ADGRL1: variants seen among roughly 807,000 people sequenced by gnomAD.
ADGRL1 encodes the protein CIRL-1.
A neutral mutation model predicts 148.9 loss-of-function variants in ADGRL1; 31 were observed. That is an observed-to-expected ratio of 0.21 (90% confidence interval 0.16 to 0.28). The LOEUF (loss-of-function observed/expected upper bound fraction) is 0.28, where lower values mean the gene tolerates loss of function less well. Among genes scored for constraint, ADGRL1 ranks in the 10% least tolerant of loss-of-function variants. ADGRL1 has a pLI of 1.00. For missense variants in ADGRL1, 1,521 were observed against 2,058.8 expected (o/e 0.74, Z 5.05); for synonymous variants, 937 against 900.3 (o/e 1.04, Z -0.73).
chr19:14,173,311 G>A (rs766420286), intron 3 of ADGRL1, among the ~76,000 whole-genome samples: 5 of 152,066 alleles, frequency 3.3e-5, no homozygotes, highest in African/African-American at 9.7e-5. Context: ...TGCCCAGGAC[G>A]GAGAGCAGCG....
intron 1 of ADGRL1, among the ~76,000 whole-genome samples, chr19:14,196,983 G>A (rs1433571398): frequency 6.6e-6 from 1 of 152,050 alleles, no homozygotes; most frequent in Non-Finnish European, 1.5e-5. Context: ...ACCTTTTAAA[G>A]GTCACCCTGG....
At chr19:14,189,772 G>T (rs771952272) in intron 1 of ADGRL1, among the ~76,000 whole-genome samples, 2 of 152,110 alleles carry the variant, frequency 1.3e-5, no homozygotes, top group Admixed American at 6.6e-5. Context: ...TCTATTTAAG[G>T]TTACATGATA....
chr19:14,151,017 G>A lies in ADGRL1; in HGVS notation c.4266C>T (p.Arg1422=), dbSNP rs1397242510. 1 of 1,564,180 alleles carries A rather than the reference G, an allele frequency of 6.4e-7. No individual in the cohort carries two copies. Among genetic ancestry groups the A allele is most frequent in the Non-Finnish European group, 8.7e-7 (1 of 1,155,338 alleles). ...GATTCCGGGCCACCAGGGCTGGCGG[G>A]CGCGAGGTGTAGTAGATTTCGGGGG... The part of the protein sequence containing the change: ...PGPPEIYYTS[R]PPALVARNPL... The change falls in exon 23 of 23, where the codon CGC becomes CGT. Residue 1422 remains arginine (R), a synonymous_variant. Coordinates refer to ENST00000361434, the MANE Select transcript of ADGRL1 (RefSeq NM_014921.5).
intron 1 of ADGRL1, among the ~76,000 whole-genome samples, chr19:14,188,138 G>A (rs914500332): frequency 2.1e-4 from 32 of 152,130 alleles, no homozygotes; most frequent in African/African-American, 4.8e-5. Context: ...GAAGCCACTC[G>A]ATGCCAAATT....
At chr19:14,193,757 G>A (rs1440020556) in intron 1 of ADGRL1, among the ~76,000 whole-genome samples, 18 of 152,344 alleles carry the variant, frequency 1.2e-4, no homozygotes, top group South Asian at 4.1e-4. Flanking sequence ...ACACAGACAT[G>A]CACAGAAGAC....
At position 14,148,690 on chromosome 19, in the gene ADGRL1, T is replaced by C. The variant is rs1967840322; in HGVS notation, c.*2183A>G. 1 of 152,796 alleles carries C rather than the reference T, an allele frequency of 6.5e-6. No individual in the cohort carries two copies. The highest frequency in any genetic ancestry group is 2.4e-5 in the African/African-American group (1 of 41,458). The allele number at this position is 152,796 out of a possible 1,614,324, so 9.5% of individuals were successfully genotyped here. A position where few individuals can be genotyped will look rare whatever the true frequency, so the allele number is the denominator to read the frequency against. On this transcript the variant is annotated 3_prime_UTR_variant, in exon 23 of 23. Transcript: ENST00000361434. Reference sequence around the variant, plus strand: ...CATCTAGACTTCACCCATGGTCTTCTGGTGTAATGGGTTAGGCCTTTCTAC... The same window carrying C: ...CATCTAGACTTCACCCATGGTCTTCCGGTGTAATGGGTTAGGCCTTTCTAC...
In ADGRL1 at chr19:14,155,209, G is replaced by A. The variant is rs1307539023; in HGVS notation, c.3294+150C>T. On this transcript the variant is annotated intron_variant, in intron 18 of 22. Transcript: ENST00000361434. The surrounding 1 kb of genome is among the most constrained non-coding windows in gnomAD (Gnocchi z 5.0). ...ACCCTGAGCTCGTGCTCCCCTCCCG[G>A]TGGACGCAGACCTGACCACAGAAGC... is the stretch of plus-strand genomic sequence containing the variant. The A allele has an allele frequency of 3.4e-6, 3 of 876,872 alleles. No homozygotes were observed. Among genetic ancestry groups the A allele is most frequent in the Non-Finnish European group, 1.7e-6 (1 of 574,404 alleles). 54.3% of individuals were successfully genotyped at this position (876,872 alleles called of 1,614,324 possible).
rs755196785 is a variant in ADGRL1 at position 14,152,539 on chromosome 19, G to A, written c.3498C>T (p.Asn1166=). 1.1e-5 allele frequency: 17 copies of A among 1,613,880 alleles called. No individual in the cohort carries two copies. The East Asian group carries it at 3.6e-4, about 34-fold the overall frequency. The change falls in exon 20 of 23, where the codon AAC becomes AAT. Residue 1166 remains asparagine (N), a synonymous_variant. Transcript: ENST00000361434. The surrounding 1 kb of genome is among the most constrained non-coding windows in gnomAD (Gnocchi z 6.1). Reference sequence around the variant, plus strand: ...CACCTCGGTTCAGGGTGGGGGTGCTGTTGATGTCACCCGCCATGAAGGAGG... The same window carrying A: ...CACCTCGGTTCAGGGTGGGGGTGCTATTGATGTCACCCGCCATGAAGGAGG... ...TESSFMAGDI[N]STPTLNRGTM...
Position 14,177,622 on chromosome 19 carries a change from G to A in ADGRL1, c.193C>T (p.Arg65Cys). The change falls in exon 3 of 23, where the codon CGC becomes TGC. Residue 65 changes from arginine (R) to cysteine (C), a missense_variant. Transcript: ENST00000361434. ...VIMVENANYG[R>C]TDDKICDADP... ...GCATCGCAAATCTTGTCGTCCGTGCGCCCGTAGTTGGCATTCTCCACCATG... is the reference window on the plus strand; with the variant it reads ...GCATCGCAAATCTTGTCGTCCGTGCACCCGTAGTTGGCATTCTCCACCATG... 2 of 1,614,200 alleles carry A rather than the reference G, an allele frequency of 1.2e-6. No homozygotes were observed. The highest frequency in any genetic ancestry group is 1.7e-6 in the Non-Finnish European group (2 of 1,180,042).
chr19:14,201,005 TG>T (rs1372542292), intron 1 of ADGRL1, among the ~76,000 whole-genome samples: 1 of 152,198 alleles, frequency 6.6e-6, no homozygotes, highest in East Asian at 1.9e-4. Flanking sequence ...GGAGACTTTC[TG>T]AGGTGTTACG....
intron 1 of ADGRL1, among the ~76,000 whole-genome samples, chr19:14,192,083 G>C (rs1971980389): frequency 1.3e-5 from 2 of 152,042 alleles, no homozygotes; most frequent in Admixed American, 1.3e-4. Context: ...CCTCCCTCAA[G>C]GGCCTACCTC....
chr19:14,160,243 G>A lies in ADGRL1; in HGVS notation c.1669C>T (p.Arg557Trp), dbSNP rs1466587136. Residue 557 changes from arginine (R) to tryptophan (W), a missense_variant, in exon 8 of 23, where the codon CGG becomes TGG. Arg to Trp is a moderately radical substitution (Grantham distance 101). Around this residue, in one of 8 missense-constraint regions of ADGRL1, gnomAD observed 270 missense variants for 320.4 expected, o/e 0.84. Transcript: ENST00000361434. The surrounding 1 kb of genome is among the most constrained non-coding windows in gnomAD (Gnocchi z 5.9). ...NIASELARHT[R>W]GSIYAGDVSS... ...ACGTCCCCCGCGTAGATGGAGCCCC[G>A]GGTGTGTCGGGCCAGCTCGCTGGCG... 6 of 1,597,284 alleles carry A rather than the reference G, an allele frequency of 3.8e-6. No individual in the cohort carries two copies. The highest frequency in any genetic ancestry group is 2.2e-5 in the South Asian group (2 of 90,782).
chr19:14,177,228 AAAAC>A (rs766860884), intron 3 of ADGRL1, among the ~76,000 whole-genome samples: 58 of 151,614 alleles, frequency 3.8e-4, no homozygotes, highest in African/African-American at 1.2e-3. Context: ...CTCCATCTCA[AAAAC>A]AAACAAACAA....
chr19:14,205,706 C>A (rs1160237286), intron 1 of ADGRL1, among the ~76,000 whole-genome samples: 7 of 151,470 alleles, frequency 4.6e-5, no homozygotes, highest in Admixed American at 4.6e-4. Context: ...CCCCTCCCCC[C>A]GCCAGGCACC....
At position 14,162,985 on chromosome 19, in the gene ADGRL1, C is replaced by T; in HGVS notation, c.816G>A (p.Leu272=). ...TGCCCTCAGTGGCGTAGATGACCCACAGCCCGTTCTCGTCCACCGCCAGGT... is the reference window on the plus strand; with the variant it reads ...TGCCCTCAGTGGCGTAGATGACCCATAGCCCGTTCTCGTCCACCGCCAGGT... ...DIDLAVDENG[L]WVIYATEGNN... Residue 272 remains leucine (L), a synonymous_variant, in exon 5 of 23, where the codon CTG becomes CTA. Transcript: ENST00000361434. The surrounding 1 kb of genome is among the most constrained non-coding windows in gnomAD (Gnocchi z 5.4). 6.2e-7 allele frequency: 1 copy of T among 1,614,016 alleles called. No homozygotes were observed. The highest frequency in any genetic ancestry group is 8.5e-7 in the Non-Finnish European group (1 of 1,179,998).
chr19:14,177,743 G>A lies in ADGRL1; in HGVS notation c.72C>T (p.Gly24=). 6.2e-7 allele frequency: 1 copy of A among 1,609,646 alleles called. No homozygotes were observed. Among genetic ancestry groups the A allele is most frequent in the Non-Finnish European group, 8.5e-7 (1 of 1,179,130 alleles). The change falls in exon 3 of 23, where the codon GGC becomes GGT. Residue 24 remains glycine, a splice_region_variant and synonymous_variant. Transcript: ENST00000361434. ...TAVLVTSATQ[G]LSRAGLPFGL... is the part of the protein sequence containing the mutation. ...CGAACGGGAGCCCGGCCCGGCTCAG[G>A]CCTGCAGGGAGGGTTGGGGATGGTG...
At position 14,151,221 on chromosome 19, in the gene ADGRL1, G is replaced by C. The variant is rs755252011; in HGVS notation, c.4062C>G (p.Asp1354Glu). 2.5e-6 allele frequency: 4 copies of C among 1,611,942 alleles called. No homozygotes were observed. The highest frequency in any genetic ancestry group is 1.7e-4 in the Middle Eastern group (1 of 6,012). The change falls in exon 23 of 23, where the codon GAC becomes GAG. Residue 1354 changes from aspartate (D) to glutamate (E), a missense_variant. Coordinates refer to ENST00000361434, the MANE Select transcript of ADGRL1 (RefSeq NM_014921.5). ...CCTCGGCCGTGCAGCTCTCCGACTC[G>C]TCCAGATCGCTCTGGTACAGCACCG... is the stretch of plus-strand genomic sequence containing the variant. ...AQSVLYQSDL[D>E]ESESCTAEDG...
chr19:14,179,286 T>A (rs928409322), intron 2 of ADGRL1, among the ~76,000 whole-genome samples: 1 of 149,842 alleles, frequency 6.7e-6, no homozygotes, highest in Admixed American at 6.7e-5. Context: ...TGAGGTGAGG[T>A]GATTGAGACC....
intron 12 of ADGRL1, 87 bp from the exon 13 acceptor site, chr19:14,158,139 G>C (rs1375696218): frequency 7.0e-7 from 1 of 1,426,536 alleles, no homozygotes; most frequent in East Asian, 2.3e-5. Context: ...AACAGGGATG[G>C]TACCAAGTAT....
Sources: allele counts gnomAD v4.1 joint callset (sites outside exome capture counted in the v4.1 genomes callset), GRCh38; gene constraint gnomAD v4.1.1; regional missense constraint gnomAD v4.1.1; non-coding constraint Gnocchi (gnomAD v3.1); transcripts MANE v1.5; gene names NCBI Gene and HGNC (gene_info 2026-07-23, HGNC 2026-07-21).